Variants in PRKAR2A observed in about 807,000 individuals in gnomAD.
The protein encoded by PRKAR2A is cAMP-dependent protein kinase type II-alpha regulatory subunit.
In PRKAR2A, 29 loss-of-function variants were observed where a neutral mutation model predicts 51.9. The observed-to-expected ratio is 0.56, with a 90% CI of 0.42 to 0.76. PRKAR2A has a LOEUF of 0.76. Among genes scored for constraint, PRKAR2A ranks in the 30% least tolerant of loss-of-function variants. The pLI, the probability that PRKAR2A is intolerant of heterozygous loss-of-function variation, is 0.00. For synonymous variants in PRKAR2A, 178 were observed against 186.2 expected (o/e 0.96, Z 0.36); for missense variants, 445 against 512.1 (o/e 0.87, Z 1.26).
chr3:48,762,303 G>T (rs919527763), intron 8 of PRKAR2A, among the ~76,000 whole-genome samples: 1 of 152,184 alleles, frequency 6.6e-6, no homozygotes, highest in Non-Finnish European at 1.5e-5. Flanking sequence ...AGAATGCAGA[G>T]AAACTGGAAT....
At chr3:48,789,715 C>T (rs1489574657) in intron 4 of PRKAR2A, among the ~76,000 whole-genome samples, 1 of 151,860 alleles carries the variant, frequency 6.6e-6, no homozygotes, top group African/African-American at 2.4e-5. Context: ...TCTTGAACTC[C>T]ACCCACCTCG....
chr3:48,843,036 T>C (rs2083404387), intron 1 of PRKAR2A, among the ~76,000 whole-genome samples: 1 of 152,206 alleles, frequency 6.6e-6, no homozygotes, highest in African/African-American at 2.4e-5. Context: ...TGTGAATCCA[T>C]CTGGTCCTGG....
intron 1 of PRKAR2A, among the ~76,000 whole-genome samples, chr3:48,845,759 C>T (rs1575968764): frequency 6.6e-6 from 1 of 152,074 alleles, no homozygotes; most frequent in East Asian, 1.9e-4. Flanking sequence ...CCAGCCTGGG[C>T]AACACAGGGA....
At chr3:48,808,542 C>A (rs577830748) in intron 1 of PRKAR2A, among the ~76,000 whole-genome samples, 1 of 151,056 alleles carries the variant, frequency 6.6e-6, no homozygotes, top group Non-Finnish European at 1.5e-5. Context: ...CGTGAGCCAC[C>A]GCGCCTGGCC....
intron 1 of PRKAR2A, among the ~76,000 whole-genome samples, chr3:48,837,855 G>A (rs1420840680): frequency 6.6e-6 from 1 of 151,888 alleles, no homozygotes; most frequent in African/African-American, 2.4e-5. Flanking sequence ...GATGAACCTT[G>A]AGTACATTAT....
chr3:48,834,587 G>A (rs1226435617), intron 1 of PRKAR2A, among the ~76,000 whole-genome samples: 1 of 151,998 alleles, frequency 6.6e-6, no homozygotes, highest in South Asian at 2.1e-4. Flanking sequence ...TTAGCCAGGC[G>A]TGGTGGTGCA....
intron 2 of PRKAR2A, 79 bp downstream of exon 2, chr3:48,807,570 A>T: frequency 8.6e-7 from 1 of 1,165,352 alleles, no homozygotes; most frequent in Non-Finnish European, 1.3e-6. Context: ...TTATCTTTTT[A>T]TTCAAAATAT....
At position 48,770,954 on chromosome 3, in the gene PRKAR2A, G is replaced by C. The variant is rs1437724298; in HGVS notation, c.696+2001C>G. Among the ~76,000 whole-genome samples, 3 of 152,120 alleles carry C rather than the reference G, an allele frequency of 2.0e-5. No homozygotes were observed. In the East Asian group the frequency reaches 5.8e-4, roughly 29 times the overall value. On this transcript the variant is annotated intron_variant, in intron 6 of 10. Coordinates refer to ENST00000265563, the MANE Select transcript of PRKAR2A (RefSeq NM_004157.4). Reference sequence around the variant, plus strand: ...AAGAATGGGTTATTTGGCCGGGTGCGGTGGCTCTTGCCTGTAATCCCAGCA... The same window carrying C: ...AAGAATGGGTTATTTGGCCGGGTGCCGTGGCTCTTGCCTGTAATCCCAGCA...
At chr3:48,845,532 T>C (rs2083447989) in intron 1 of PRKAR2A, among the ~76,000 whole-genome samples, 1 of 152,242 alleles carries the variant, frequency 6.6e-6, no homozygotes, top group Non-Finnish European at 1.5e-5. Flanking sequence ...TTTCATTGTT[T>C]TGTTAAATTT....
Position 48,847,216 on chromosome 3 carries a change from G to A in PRKAR2A, c.262+119C>T. The A allele has an allele frequency of 2.3e-6, 3 of 1,288,700 alleles. No individual in the cohort carries two copies. Among genetic ancestry groups the A allele is most frequent in the African/African-American group, 1.5e-5 (1 of 65,372 alleles). The allele number at this position is 1,288,700 out of a possible 1,614,324, so 79.8% of individuals were successfully genotyped here. A position where few individuals can be genotyped will look rare whatever the true frequency, so the allele number is the denominator to read the frequency against. On this transcript the variant is annotated intron_variant, in intron 1 of 10. Transcript: ENST00000265563. The surrounding 1 kb of genome is among the most constrained non-coding windows in gnomAD (Gnocchi z 4.4). ...GGGAAACGCTAGAAACGCGGCTACA[G>A]AGCTCCCAATCCCAGCCTGCGGTCG...
chr3:48,770,726 A>C (rs1196915692), intron 6 of PRKAR2A, among the ~76,000 whole-genome samples: 1 of 152,178 alleles, frequency 6.6e-6, no homozygotes, highest in Non-Finnish European at 1.5e-5. Context: ...AAGTCTCAGG[A>C]AAAGAAGGGT....
intron 1 of PRKAR2A, among the ~76,000 whole-genome samples, chr3:48,840,986 A>T (rs549699422): frequency 4.7e-4 from 70 of 147,626 alleles, no homozygotes; most frequent in Middle Eastern, 3.6e-3. Context: ...GGTTCAAAAG[A>T]TTCTCCTGCC....
rs1368423970 is a variant in PRKAR2A, at chr3:48,772,927, T to G, written c.696+28A>C. ...CAGAAAGGGAATTAATACTGTGCCT[T>G]GCAAGGGGAACGATTTCTCTCACTC... On this transcript the variant is annotated intron_variant, in intron 6 of 10. Coordinates refer to ENST00000265563, the MANE Select transcript of PRKAR2A (RefSeq NM_004157.4). 4 of 1,604,386 alleles carry G rather than the reference T, an allele frequency of 2.5e-6. No homozygotes were observed. In the Admixed American group the frequency reaches 5.1e-5, roughly 20 times the overall value.
At chr3:48,759,682 C>T (rs537992258) in intron 8 of PRKAR2A, among the ~76,000 whole-genome samples, 6 of 152,292 alleles carry the variant, frequency 3.9e-5, no homozygotes, top group Non-Finnish European at 5.9e-5. Context: ...CCACTGCGCC[C>T]GGCCAAGTAT....
At chr3:48,789,824 TCTCC>T (rs1470397387) in intron 4 of PRKAR2A, among the ~76,000 whole-genome samples, 2 of 151,808 alleles carry the variant, frequency 1.3e-5, no homozygotes, top group African/African-American at 2.4e-5. Context: ...ACAATTTCTT[TCTCC>T]CTCCCTCCCT....
At chr3:48,841,139 G>GC (rs1367722808) in intron 1 of PRKAR2A, among the ~76,000 whole-genome samples, 2 of 150,986 alleles carry the variant, frequency 1.3e-5, no homozygotes, top group African/African-American at 2.4e-5. Flanking sequence ...GCCCGCCTCG[G>GC]CCCCCCAGTG....
intron 1 of PRKAR2A, among the ~76,000 whole-genome samples, chr3:48,825,581 T>C (rs886867429): frequency 1.3e-5 from 2 of 151,936 alleles, no homozygotes; most frequent in African/African-American, 4.8e-5. Flanking sequence ...GAGGCAAAGG[T>C]TGCAGTGAGC....
chr3:48,782,987 G>C lies in PRKAR2A; in HGVS notation c.541C>G (p.Arg181Gly). The C allele has an allele frequency of 6.3e-7, 1 of 1,595,134 alleles. No homozygotes were observed. The highest frequency in any genetic ancestry group is 8.6e-7 in the Non-Finnish European group (1 of 1,162,802). ...DDGDNFYVIERGTYDILVTKD... is the reference protein window; with the variant it reads ...DDGDNFYVIEGGTYDILVTKD... ...CAATTTCAAAGCTCCATCTCCTACC[G>C]TTCTATGACATAAAAGTTGTCTCCA... The change falls in exon 5 of 11, where the codon CGG (arginine) becomes GGG (glycine). Residue 181 changes from arginine (R) to glycine (G), a missense_variant and splice_region_variant. Coordinates refer to ENST00000265563, the MANE Select transcript of PRKAR2A (RefSeq NM_004157.4).
chr3:48,814,279 G>A (rs997859370), intron 1 of PRKAR2A, among the ~76,000 whole-genome samples: 18 of 151,870 alleles, frequency 1.2e-4, no homozygotes, highest in Admixed American at 6.6e-5. Context: ...TTAGCCTGGC[G>A]TGGTGGCTTG....
Sources: gnomAD v4.1 joint callset for allele counts (sites outside exome capture counted in the v4.1 genomes callset) on GRCh38, gnomAD v4.1.1 for gene constraint, Gnocchi (gnomAD v3.1) non-coding constraint, MANE v1.5 for transcripts, NCBI Gene and HGNC (gene_info 2026-07-23, HGNC 2026-07-21) for gene names.